Variants in KAT6A observed in about 807,000 individuals in gnomAD.
KAT6A encodes histone acetyltransferase KAT6A.
Under a neutral mutation model 198.4 loss-of-function variants are expected in KAT6A, and 9 were observed. The ratio of observed to expected loss-of-function variants is 0.05; its 90% confidence interval spans 0.03 to 0.08. KAT6A has a LOEUF of 0.08. Ranked by LOEUF, KAT6A falls within the 10% of genes least tolerant of loss-of-function variation. The pLI is 1.00. For synonymous variants in KAT6A, 890 were observed against 883.0 expected (o/e 1.01, Z -0.14); for missense variants, 2,077 against 2,509.9 (o/e 0.83, Z 3.69).
chr8:42,048,199 C>T (rs755210834), intron 2 of KAT6A, among the ~76,000 whole-genome samples, 179 bp downstream of exon 2: 10 of 152,034 alleles, frequency 6.6e-5, no homozygotes, highest in Non-Finnish European at 4.4e-5. Flanking sequence ...TCAAATATTT[C>T]AAAGTACCAG....
intron 8 of KAT6A, chr8:41,974,442 C>T (rs1236107458): frequency 7.3e-6 from 2 of 274,522 alleles, no homozygotes; most frequent in Non-Finnish European, 6.7e-6. Flanking sequence ...ATCCCAAATT[C>T]TTCTTCATAC....
chr8:41,957,231 T>C, intron 8 of KAT6A: 1 of 575,238 alleles, frequency 1.7e-6, no homozygotes, highest in Non-Finnish European at 3.5e-6. Context: ...CACCCGCCTT[T>C]AACCTTTGCA....
At chr8:42,009,724 C>A (rs1825920330) in intron 2 of KAT6A, among the ~76,000 whole-genome samples, 1 of 151,166 alleles carries the variant, frequency 6.6e-6, no homozygotes, top group Non-Finnish European at 1.5e-5. Context: ...CATATGAAGA[C>A]CTTGTCTCTA....
Position 41,977,236 on chromosome 8 carries a change from A to G in KAT6A, c.1135T>C (p.Ser379Pro), listed in dbSNP as rs747769396. ...ATCCGCTCTAAATATCCTTCTTCTG[A>G]TGATGATGATGCTGATTGGCTGGAA... ...TLSSQSASSS[S>P]EEGYLERIDG... Residue 379 changes from serine to proline, a missense_variant, in exon 7 of 17, where the codon TCA becomes CCA. This residue lies in a region of KAT6A where 206 missense variants were observed against 214.9 expected (regional missense o/e 0.96). Transcript: ENST00000265713. 7 of 1,613,446 alleles carry G rather than the reference A, an allele frequency of 4.3e-6. No individual in the cohort carries two copies. The highest frequency in any genetic ancestry group is 5.1e-6 in the Non-Finnish European group (6 of 1,179,480).
chr8:41,933,899 C>T lies in KAT6A; in HGVS notation c.4321G>A (p.Gly1441Ser). The change falls in exon 17 of 17, where the codon GGC becomes AGC. Residue 1441 changes from glycine (G) to serine (S), a missense_variant. Gly to Ser is a moderately conservative substitution (Grantham distance 56). Around this residue, in one of 13 missense-constraint regions of KAT6A, gnomAD observed 178 missense variants for 220.8 expected, o/e 0.81. Coordinates refer to ENST00000265713, the MANE Select transcript of KAT6A (RefSeq NM_006766.5). This position sits in a 1 kb window ranked among gnomAD's most constrained non-coding sequence, Gnocchi z 6.2. ...LTQEESSEHEGAYQDCEETLA... is the reference protein window; with the variant it reads ...LTQEESSEHESAYQDCEETLA... ...GTTTCCTCACAGTCCTGGTAGGCGC[C>T]CTCATGCTCACTGCTTTCTTCTTGA... 4 of 1,614,188 alleles carry T rather than the reference C, an allele frequency of 2.5e-6. No homozygotes were observed. The highest frequency in any genetic ancestry group is 3.4e-6 in the Non-Finnish European group (4 of 1,180,036).
chr8:42,014,261 T>G (rs979235044), intron 2 of KAT6A, among the ~76,000 whole-genome samples: 13 of 152,222 alleles, frequency 8.5e-5, no homozygotes, highest in African/African-American at 2.9e-4. Flanking sequence ...AGATATGCTA[T>G]TAAAGTTAAC....
chr8:42,014,878 T>C (rs928187937), intron 2 of KAT6A, among the ~76,000 whole-genome samples: 2 of 152,138 alleles, frequency 1.3e-5, no homozygotes, highest in African/African-American at 4.8e-5. Flanking sequence ...TCAGGATTAC[T>C]TGAAATACTT....
intron 2 of KAT6A, among the ~76,000 whole-genome samples, chr8:41,998,566 T>C (rs1384474350): frequency 6.6e-6 from 1 of 152,166 alleles, no homozygotes; most frequent in African/African-American, 2.4e-5. Context: ...GGTGAGCAGA[T>C]ATCACCACTT....
chr8:41,985,851 C>T (rs1175012976), intron 3 of KAT6A, among the ~76,000 whole-genome samples: 1 of 152,158 alleles, frequency 6.6e-6, no homozygotes, highest in Non-Finnish European at 1.5e-5. Context: ...GTTGTTATCA[C>T]TATAAAACAC....
At chr8:42,007,332 C>CT (rs1373433984) in intron 2 of KAT6A, among the ~76,000 whole-genome samples, 1 of 152,156 alleles carries the variant, frequency 6.6e-6, no homozygotes, top group Non-Finnish European at 1.5e-5. Flanking sequence ...CTGACTTAAC[C>CT]TGCCTGGGTT....
chr8:42,044,351 T>A (rs979481495), intron 2 of KAT6A, among the ~76,000 whole-genome samples: 6 of 151,766 alleles, frequency 4.0e-5, no homozygotes, highest in Admixed American at 2.6e-4. Context: ...CACCCCCCCC[T>A]CGGCATCCCA....
Position 42,048,676 on chromosome 8 carries a change from T to A in KAT6A, c.302A>T (p.Lys101Ile). 1.2e-6 allele frequency: 2 copies of A among 1,614,248 alleles called. No homozygotes were observed. The highest frequency in any genetic ancestry group is 1.7e-6 in the Non-Finnish European group (2 of 1,180,050). ...GCCCTCAACTGCCCGCTTTATCAGT[T>A]TATTCCAATCCACATTTTGTTTATT... The part of the protein sequence containing the change: ...LDNKQNVDWN[K>I]LIKRAVEGLA... The change falls in exon 2 of 17, where the codon AAA becomes ATA. Residue 101 changes from lysine to isoleucine, a missense_variant. Transcript: ENST00000265713.
At chr8:42,040,639 G>T (rs1827611462) in intron 2 of KAT6A, among the ~76,000 whole-genome samples, 1 of 148,920 alleles carries the variant, frequency 6.7e-6, no homozygotes, top group Non-Finnish European at 1.5e-5. Flanking sequence ...GGAGGCTGAG[G>T]CAGGAGAATC....
chr8:42,004,845 T>C (rs1179195203), intron 2 of KAT6A, among the ~76,000 whole-genome samples: 2 of 151,906 alleles, frequency 1.3e-5, no homozygotes, highest in Non-Finnish European at 2.9e-5. Context: ...GGAGAATCAC[T>C]TGAACCTGGG....
intron 2 of KAT6A, among the ~76,000 whole-genome samples, chr8:42,022,839 C>A (rs1052035607): frequency 1.3e-5 from 2 of 152,156 alleles, no homozygotes; most frequent in African/African-American, 4.8e-5. Flanking sequence ...AATTATGATA[C>A]ACTCATACAA....
chr8:41,968,622 T>C (rs1823627827), intron 8 of KAT6A, among the ~76,000 whole-genome samples: 1 of 152,218 alleles, frequency 6.6e-6, no homozygotes, highest in Admixed American at 6.5e-5. Flanking sequence ...ATCCCATTAC[T>C]GGGTATATAC....
rs1313245270 is a variant in KAT6A at position 41,974,439 on chromosome 8, ATTC to A, written c.1482+262_1482+264del. 9 of 270,430 alleles carry A rather than the reference ATTC, an allele frequency of 3.3e-5. No individual in the cohort carries two copies. The East Asian group carries it at 5.2e-4, about 16-fold the overall frequency. The allele number at this position is 270,430 out of a possible 1,614,324, so 16.8% of individuals were successfully genotyped here. A position where few individuals can be genotyped will look rare whatever the true frequency, so the allele number is the denominator to read the frequency against. On this transcript the variant is annotated intron_variant, in intron 8 of 16. Transcript: ENST00000265713. Reference sequence around the variant, plus strand: ...TTGTTTGTTTTTGGTCAAATCCCAAATTCTTCTTCATACAGTAAGACAAAAAAT... The same window carrying A: ...TTGTTTGTTTTTGGTCAAATCCCAAATTCTTCATACAGTAAGACAAAAAAT...
At position 41,993,250 on chromosome 8, in the gene KAT6A, G is replaced by A. The variant is rs901810648; in HGVS notation, c.601-5687C>T. The stretch of plus-strand genomic sequence containing the variant: ...CTGTGTTGTTACTTAGAGCTGGATA[G>A]ACAGTTTAACCAAATTATTCTAGCA... On this transcript the variant is annotated intron_variant, in intron 2 of 16. Coordinates refer to ENST00000265713, the MANE Select transcript of KAT6A (RefSeq NM_006766.5). Among the ~76,000 whole-genome samples, 4 of 152,230 alleles carry A rather than the reference G, an allele frequency of 2.6e-5. 1 individual carries two copies. Among genetic ancestry groups the A allele is most frequent in the East Asian group, 1.9e-4 (1 of 5,200 alleles).
Position 41,932,661 on chromosome 8 carries a change from C to T in KAT6A, c.5559G>A (p.Gly1853=). ...QRLQGQMPVK[G]HISIRSKSAP... ...CAGACTTGGAGCGGATGGAAATGTG[C>T]CCCTTCACTGGCATTTGCCCTTGCA... Residue 1853 remains glycine (G), a synonymous_variant, in exon 17 of 17, where the codon GGG becomes GGA. Transcript: ENST00000265713. The T allele has an allele frequency of 1.2e-6, 2 of 1,614,210 alleles. No homozygotes were observed. The highest frequency in any genetic ancestry group is 1.1e-5 in the South Asian group (1 of 91,076).
Sources: gnomAD v4.1 joint callset for allele counts (sites outside exome capture counted in the v4.1 genomes callset) on GRCh38, gnomAD v4.1.1 for gene constraint, gnomAD v4.1.1 regional missense constraint, Gnocchi (gnomAD v3.1) non-coding constraint, MANE v1.5 for transcripts, NCBI Gene and HGNC (gene_info 2026-07-23, HGNC 2026-07-21) for gene names.